SYN3: variants seen among roughly 807,000 people sequenced by gnomAD.
The protein encoded by SYN3 is synapsin III, also known as synapsin-3.
SYN3 carries 35 observed loss-of-function variants against 65.8 expected under a neutral mutation model. The observed-to-expected ratio is 0.53, with a 90% CI of 0.41 to 0.70. The LOEUF (loss-of-function observed/expected upper bound fraction) is 0.70. SYN3 is among the 30% of genes least tolerant of loss of function. SYN3 has a pLI of 0.00. For missense variants in SYN3, 680 were observed against 749.0 expected, an observed-to-expected ratio of 0.91 and a Z score of 1.08; for synonymous variants, 270 against 292.9, an observed-to-expected ratio of 0.92 and a Z score of 0.80.
chr22:32,956,450 C>T (rs995912903), intron 3 of SYN3, among the ~76,000 whole-genome samples: 4 of 152,222 alleles, frequency 2.6e-5, no homozygotes, highest in Non-Finnish European at 5.9e-5. Context: ...CCACCTTACC[C>T]GGCCACCCCT....
chr22:32,747,524 C>T (rs999286253), intron 6 of SYN3, among the ~76,000 whole-genome samples: 1 of 152,060 alleles, frequency 6.6e-6, no homozygotes, highest in African/African-American at 2.4e-5. Flanking sequence ...TTAATCTGAT[C>T]GATGACCCTA....
At chr22:32,671,562 CAT>C (rs1293054389) in intron 6 of SYN3, among the ~76,000 whole-genome samples, 4 of 135,788 alleles carry the variant, frequency 2.9e-5, no homozygotes, top group South Asian at 4.7e-4. Context: ...CACACACACA[CAT>C]GCTCTCAAAC....
intron 12 of SYN3, among the ~76,000 whole-genome samples, chr22:32,523,481 C>A (rs1478841106): frequency 6.6e-6 from 1 of 152,152 alleles, no homozygotes; most frequent in African/African-American, 2.4e-5. Flanking sequence ...CAACTGTACT[C>A]CAGCCTGGGC....
At chr22:32,565,685 TTTTAA>T (rs954211988) in intron 7 of SYN3, among the ~76,000 whole-genome samples, 1 of 150,176 alleles carries the variant, frequency 6.7e-6, no homozygotes, top group Non-Finnish European at 1.5e-5. Flanking sequence ...CCTGGCTAAT[TTTTAA>T]TTTAATTTAA....
chr22:32,914,468 C>A (rs1380807589), intron 4 of SYN3, among the ~76,000 whole-genome samples: 1 of 148,424 alleles, frequency 6.7e-6, no homozygotes, highest in Non-Finnish European at 1.5e-5. Flanking sequence ...GACGGAGTCT[C>A]GCTCTGTTGC....
chr22:32,604,982 G>A (rs1255513836), intron 6 of SYN3, among the ~76,000 whole-genome samples: 28 of 149,188 alleles, frequency 1.9e-4, no homozygotes, highest in Non-Finnish European at 1.3e-4. Flanking sequence ...CACCAGCCTG[G>A]GCGATAGAGC....
chr22:32,515,608 T>C (rs946563759), intron 13 of SYN3, among the ~76,000 whole-genome samples: 1 of 152,226 alleles, frequency 6.6e-6, no homozygotes, highest in Non-Finnish European at 1.5e-5. Context: ...CAATATCATG[T>C]CAGGTTATTT....
chr22:32,777,224 G>A (rs545114023), intron 6 of SYN3, among the ~76,000 whole-genome samples: 70 of 152,088 alleles, frequency 4.6e-4, no homozygotes, highest in Admixed American at 8.5e-4. Context: ...ATATTCTATC[G>A]AAAGCATCCT....
intron 4 of SYN3, among the ~76,000 whole-genome samples, chr22:32,877,973 T>A (rs990478364): frequency 3.3e-5 from 5 of 152,226 alleles, no homozygotes; most frequent in Non-Finnish European, 7.3e-5. Flanking sequence ...GTTATCTTTA[T>A]CCTCATGATA....
intron 6 of SYN3, among the ~76,000 whole-genome samples, chr22:32,742,471 A>C (rs2044801922): frequency 6.6e-6 from 1 of 152,104 alleles, no homozygotes. Flanking sequence ...CAGTGGAGGC[A>C]AGGAAAAGAA....
intron 1 of SYN3, among the ~76,000 whole-genome samples, chr22:33,050,472 A>C (rs1327776149): frequency 8.6e-6 from 1 of 116,098 alleles, no homozygotes. Flanking sequence ...ACAGAGCGAG[A>C]CTGTTTCAAA....
In SYN3 at chr22:32,509,669, C is replaced by T. The variant is rs1411579593; in HGVS notation, c.*4023G>A. The stretch of plus-strand genomic sequence containing the variant: ...CTGCAAGCTCCGCCTCCCGGGTTCA[C>T]GCCATTCTCCTGCCTCAGCCTCCCT... On this transcript the variant is annotated 3_prime_UTR_variant, in exon 14 of 14. Transcript: ENST00000358763. Among the ~76,000 whole-genome samples the T allele has an allele frequency of 2.6e-5, 4 of 151,976 alleles. No individual in the cohort carries two copies. The highest frequency in any genetic ancestry group is 1.3e-4 in the Admixed American group (2 of 15,246).
chr22:32,831,925 A>G (rs961663092), intron 6 of SYN3, among the ~76,000 whole-genome samples: 1 of 152,192 alleles, frequency 6.6e-6, no homozygotes, highest in African/African-American at 2.4e-5. Context: ...AATTGAGGCA[A>G]GGAGCTGAAT....
intron 6 of SYN3, among the ~76,000 whole-genome samples, chr22:32,601,029 AT>A (rs1354122933): frequency 6.6e-6 from 1 of 152,102 alleles, no homozygotes; most frequent in Non-Finnish European, 1.5e-5. Flanking sequence ...TTTGCAGGTG[AT>A]TGCTGAACAG....
intron 1 of SYN3, among the ~76,000 whole-genome samples, chr22:33,011,649 T>C (rs1469460058): frequency 6.6e-6 from 1 of 152,200 alleles, no homozygotes; most frequent in Non-Finnish European, 1.5e-5. Context: ...TGTAATATTG[T>C]GTTTTTTTTC....
At chr22:32,773,167 G>A (rs987984448) in intron 6 of SYN3, among the ~76,000 whole-genome samples, 3 of 152,138 alleles carry the variant, frequency 2.0e-5, no homozygotes, top group African/African-American at 4.8e-5. Context: ...AGCACTTTGG[G>A]AGGCTGAGGT....
chr22:33,021,898 G>A (rs2053567107), intron 1 of SYN3, among the ~76,000 whole-genome samples: 1 of 151,724 alleles, frequency 6.6e-6, no homozygotes, highest in South Asian at 2.1e-4. Context: ...TAAGCACCTA[G>A]AAACAGTGCC....
At chr22:32,858,698 A>G (rs2048448437) in intron 6 of SYN3, among the ~76,000 whole-genome samples, 1 of 152,182 alleles carries the variant, frequency 6.6e-6, no homozygotes, top group Admixed American at 6.5e-5. Flanking sequence ...TGTGGTTTTA[A>G]TTACTATGAT....
intron 6 of SYN3, among the ~76,000 whole-genome samples, chr22:32,702,403 G>A (rs566232608): frequency 1.5e-3 from 227 of 152,300 alleles, no homozygotes; most frequent in African/African-American, 5.1e-3. Context: ...GTGTGAACCC[G>A]GGAGGCGGAG....
Sources: allele counts gnomAD v4.1 joint callset (sites outside exome capture counted in the v4.1 genomes callset), GRCh38; gene constraint gnomAD v4.1.1; transcripts MANE v1.5; gene names NCBI Gene and HGNC (gene_info 2026-07-23, HGNC 2026-07-21).